Variants in ESRRG observed in about 807,000 individuals in gnomAD.
The protein encoded by ESRRG is estrogen related receptor gamma, also known as estrogen-related receptor gamma.
In ESRRG, 13 loss-of-function variants were observed where a neutral mutation model predicts 44.0. The observed-to-expected ratio is 0.30, with a 90% CI of 0.19 to 0.47. ESRRG has a LOEUF of 0.47. ESRRG is among the 20% of genes least tolerant of loss of function. The pLI is 1.00. For synonymous variants in ESRRG, 215 were observed against 214.6 expected, an observed-to-expected ratio of 1.00 and a Z score of -0.02; for missense variants, 395 against 580.6, an observed-to-expected ratio of 0.68 and a Z score of 3.29.
chr1:216,535,299 C>T (rs1471020353), intron 5 of ESRRG, among the ~76,000 whole-genome samples: 3 of 152,088 alleles, frequency 2.0e-5, no homozygotes, highest in Non-Finnish European at 4.4e-5. Flanking sequence ...ATGATGCTCT[C>T]TCTGGTCTAT....
At chr1:216,722,743 T>C (rs2086625490) in intron 1 of ESRRG, among the ~76,000 whole-genome samples, 1 of 152,232 alleles carries the variant, frequency 6.6e-6, no homozygotes, top group Non-Finnish European at 1.5e-5. Context: ...TTTTAAATTG[T>C]TCTCTGAAGG....
chr1:216,568,103 G>A lies in ESRRG; in HGVS notation c.590-5C>T. 4 of 1,601,436 alleles carry A rather than the reference G, an allele frequency of 2.5e-6. No individual in the cohort carries two copies. The highest frequency in any genetic ancestry group is 2.2e-5 in the East Asian group (1 of 44,788). ...GTACTCTGTCAAGACGCACCCCTGTGAGCAAAGACAGGCACCGGCTTACTA... is the reference window on the plus strand; with the variant it reads ...GTACTCTGTCAAGACGCACCCCTGTAAGCAAAGACAGGCACCGGCTTACTA... On this transcript the variant is annotated splice_region_variant and splice_polypyrimidine_tract_variant and intron_variant, in intron 3 of 6. Coordinates refer to ENST00000408911, the MANE Select transcript of ESRRG (RefSeq NM_001438.4).
intron 2 of ESRRG, among the ~76,000 whole-genome samples, chr1:216,655,416 T>C (rs1476158921): frequency 1.3e-5 from 2 of 152,140 alleles, no homozygotes; most frequent in Non-Finnish European, 2.9e-5. Flanking sequence ...CTTAGGAAGA[T>C]CAGCAAATTC....
At chr1:216,970,892 A>G (rs1187557159) in intron 1 of ESRRG, among the ~76,000 whole-genome samples, 6 of 152,202 alleles carry the variant, frequency 3.9e-5, no homozygotes. Context: ...GTTGGTGCTC[A>G]ATAAATGTTT....
intron 1 of ESRRG, among the ~76,000 whole-genome samples, chr1:217,095,911 T>G (rs1303651675): frequency 6.6e-6 from 1 of 152,202 alleles, no homozygotes; most frequent in Non-Finnish European, 1.5e-5. Context: ...AAACACATTT[T>G]TTTAAAGAAG....
chr1:216,664,591 A>G (rs2073390834), intron 2 of ESRRG, among the ~76,000 whole-genome samples: 1 of 151,074 alleles, frequency 6.6e-6, no homozygotes, highest in African/African-American at 2.4e-5. Context: ...AGGTGATAAA[A>G]GATTAGAACT....
chr1:217,075,371 T>A (rs938504419), intron 1 of ESRRG, among the ~76,000 whole-genome samples: 2 of 152,192 alleles, frequency 1.3e-5, no homozygotes, highest in African/African-American at 2.4e-5. Context: ...TCACTTGGCC[T>A]AAAAATATTA....
At chr1:216,922,249 T>C (rs1402480490) in intron 2 of ESRRG, among the ~76,000 whole-genome samples, 1 of 152,176 alleles carries the variant, frequency 6.6e-6, no homozygotes, top group Non-Finnish European at 1.5e-5. Context: ...TTTAAAACAT[T>C]AGATAAAATT....
chr1:216,605,073 G>A (rs2059747672), intron 3 of ESRRG, among the ~76,000 whole-genome samples: 1 of 152,190 alleles, frequency 6.6e-6, no homozygotes, highest in African/African-American at 2.4e-5. Context: ...GAAACACACA[G>A]TGCAGAACTA....
Position 216,723,263 on chromosome 1 carries a change from A to G in ESRRG, c.37T>C (p.Ser13Pro), listed in dbSNP as rs765802592. The change falls in exon 1 of 7, where the codon TCC (serine) becomes CCC (proline). Residue 13 changes from serine (S) to proline (P), a missense_variant. This residue lies in a region of ESRRG where 148 missense variants were observed against 150.4 expected (regional missense o/e 0.98). Transcript: ENST00000408911. ...ACCTACTCTTCCTCGTAGTGCAGGG[A>G]AAAAGATTCAGGAAGGCAAAGTTCT... ...SVELCLPESF[S>P]LHYEEELLCR... The G allele has an allele frequency of 5.6e-5, 90 of 1,612,378 alleles. 1 individual carries two copies. The highest frequency in any genetic ancestry group is 1.3e-4 in the South Asian group (12 of 91,048).
chr1:216,891,561 A>G (rs1182628829), intron 2 of ESRRG, among the ~76,000 whole-genome samples: 1 of 152,198 alleles, frequency 6.6e-6, no homozygotes, highest in African/African-American at 2.4e-5. Flanking sequence ...AAACTACACA[A>G]GCTTGGCAAC....
At chr1:217,003,127 C>T (rs1019798340) in intron 1 of ESRRG, among the ~76,000 whole-genome samples, 2 of 152,054 alleles carry the variant, frequency 1.3e-5, no homozygotes, top group African/African-American at 4.8e-5. Context: ...AATAAGATCA[C>T]AGCCAGATAA....
At chr1:216,824,888 T>G (rs747687047) in intron 2 of ESRRG, among the ~76,000 whole-genome samples, 2 of 152,232 alleles carry the variant, frequency 1.3e-5, no homozygotes, top group Non-Finnish European at 2.9e-5. Context: ...CTACCTGCCT[T>G]GCCTTACTAG....
chr1:217,133,930 T>C (rs552846048), intron 1 of ESRRG, among the ~76,000 whole-genome samples: 41 of 152,216 alleles, frequency 2.7e-4, no homozygotes, highest in Middle Eastern at 3.4e-3. Context: ...GCCACCGGTT[T>C]CTGCCTATGA....
intron 2 of ESRRG, among the ~76,000 whole-genome samples, chr1:216,759,179 C>A (rs2092632152): frequency 6.6e-6 from 1 of 152,066 alleles, no homozygotes; most frequent in South Asian, 2.1e-4. Context: ...TGTACCTCTG[C>A]CAGATAATGT....
intron 6 of ESRRG, among the ~76,000 whole-genome samples, chr1:216,518,336 TG>T (rs1376515785): frequency 2.0e-5 from 3 of 152,108 alleles, no homozygotes; most frequent in Admixed American, 6.6e-5. Context: ...GGAAAACTAC[TG>T]GCCGGCAACC....
intron 1 of ESRRG, among the ~76,000 whole-genome samples, chr1:216,980,867 T>C (rs1241653820): frequency 2.0e-5 from 3 of 152,046 alleles, no homozygotes; most frequent in Non-Finnish European, 2.9e-5. Context: ...AGAACTAATG[T>C]AGTTGCCTGA....
At chr1:216,545,824 G>C (rs2054327184) in intron 5 of ESRRG, among the ~76,000 whole-genome samples, 1 of 151,790 alleles carries the variant, frequency 6.6e-6, no homozygotes, top group Non-Finnish European at 1.5e-5. Context: ...TATTTTTTCT[G>C]TTTTATTTTT....
chr1:217,053,096 T>G (rs1039826528), intron 1 of ESRRG, among the ~76,000 whole-genome samples: 5 of 145,986 alleles, frequency 3.4e-5, no homozygotes, highest in Non-Finnish European at 7.5e-5. Flanking sequence ...GCCTAGAAGT[T>G]TGATACCAGC....
Sources: allele counts gnomAD v4.1 joint callset (sites outside exome capture counted in the v4.1 genomes callset), GRCh38; gene constraint gnomAD v4.1.1; regional missense constraint gnomAD v4.1.1; transcripts MANE v1.5; gene names NCBI Gene and HGNC (gene_info 2026-07-23, HGNC 2026-07-21).